Variants in RIMS2 observed in about 807,000 individuals in gnomAD.
RIMS2 encodes the protein regulating synaptic membrane exocytosis protein 2.
In RIMS2, 59 loss-of-function variants were observed where a neutral mutation model predicts 174.4. The ratio of observed to expected loss-of-function variants is 0.34; its 90% CI spans 0.27 to 0.42. The LOEUF is 0.42. RIMS2 is among the 10% of genes least tolerant of loss of function. RIMS2 has a pLI of 1.00. For missense variants in RIMS2, 1,620 were observed against 1,666.3 expected, an observed-to-expected ratio of 0.97 and a Z score of 0.48; for synonymous variants, 606 against 572.5, an observed-to-expected ratio of 1.06 and a Z score of -0.84.
chr8:103,575,559 G>A (rs2093155103), intron 1 of RIMS2, among the ~76,000 whole-genome samples: 1 of 151,300 alleles, frequency 6.6e-6, no homozygotes, highest in Non-Finnish European at 1.5e-5. Flanking sequence ...CACAAATACT[G>A]GTTTCAAAGG....
At chr8:103,582,554 C>G (rs1250484771) in intron 1 of RIMS2, among the ~76,000 whole-genome samples, 1 of 152,140 alleles carries the variant, frequency 6.6e-6, no homozygotes, top group Non-Finnish European at 1.5e-5. Context: ...AGAGGGGAGT[C>G]CATACCTGGA....
intron 1 of RIMS2, among the ~76,000 whole-genome samples, chr8:103,555,777 A>G (rs1046678451): frequency 6.8e-6 from 1 of 147,460 alleles, no homozygotes; most frequent in African/African-American, 2.5e-5. Flanking sequence ...CCTGGGTGTC[A>G]GAGCGAGACC....
At chr8:103,830,580 G>T (rs1246186222) in intron 3 of RIMS2, among the ~76,000 whole-genome samples, 1 of 152,112 alleles carries the variant, frequency 6.6e-6, no homozygotes, top group African/African-American at 2.4e-5. Flanking sequence ...TGTGTATTCT[G>T]TACTTGCTGG....
At chr8:103,642,400 A>G (rs879594433) in intron 1 of RIMS2, among the ~76,000 whole-genome samples, 6 of 152,102 alleles carry the variant, frequency 3.9e-5, no homozygotes, top group Admixed American at 6.6e-5. Flanking sequence ...TATCCATAAA[A>G]TATCACAGAA....
At position 103,981,290 on chromosome 8, in the gene RIMS2, C is replaced by G. The variant is rs1954902; in HGVS notation, c.2927+5784C>G. 2.6e-5 allele frequency among the ~76,000 whole-genome samples: 4 copies of G among 152,282 alleles called. No homozygotes were observed. The South Asian group carries it at 8.3e-4, about 32-fold the overall frequency. On this transcript the variant is annotated intron_variant, in intron 16 of 23. Transcript: ENST00000504942. ...AAGTAAGGGAAAAGAATAAGAGTCT[C>G]TGGTGATCCAGAGAATTATTCTGGA... is the stretch of plus-strand genomic sequence containing the variant.
intron 13 of RIMS2, among the ~76,000 whole-genome samples, chr8:103,938,775 C>T (rs11784228): frequency 0.13 from 19,349 of 152,230 alleles, 1,701 homozygotes; most frequent in Non-Finnish European, 0.19. Flanking sequence ...TGGGGGTACA[C>T]GCATTGGGTA....
intron 16 of RIMS2, among the ~76,000 whole-genome samples, chr8:103,983,289 G>C (rs2094071424): frequency 6.6e-6 from 1 of 152,140 alleles, no homozygotes; most frequent in Non-Finnish European, 1.5e-5. Context: ...TCATGGATTG[G>C]TATAATCAAT....
intron 1 of RIMS2, among the ~76,000 whole-genome samples, chr8:103,541,708 A>T (rs1446301549): frequency 6.6e-6 from 1 of 152,222 alleles, no homozygotes. Flanking sequence ...TTAGTTATGA[A>T]GGTTAACTAT....
rs1320929037 is a variant in RIMS2 at position 104,124,333 on chromosome 8, T to C, written c.3334+109718T>C. Among the ~76,000 whole-genome samples the C allele has an allele frequency of 2.0e-5, 3 of 152,124 alleles. No homozygotes were observed. In the East Asian group the frequency reaches 5.8e-4, roughly 29 times the overall value. Reference sequence around the variant, plus strand: ...CTGCTTGCCAGTGGACTTAGAAATATAACCATAAAAATCTTTTCTAAGCAC... The same window carrying C: ...CTGCTTGCCAGTGGACTTAGAAATACAACCATAAAAATCTTTTCTAAGCAC... On this transcript the variant is annotated intron_variant, in intron 19 of 23. Coordinates refer to ENST00000504942, the Ensembl canonical transcript of RIMS2.
intron 3 of RIMS2, among the ~76,000 whole-genome samples, chr8:103,874,742 C>G (rs1204644245): frequency 2.0e-5 from 3 of 152,062 alleles, no homozygotes; most frequent in Admixed American, 2.0e-4. Context: ...TCTGGTGACT[C>G]ATCATTCTCA....
At chr8:103,966,412 G>A (rs573224902) in intron 15 of RIMS2, among the ~76,000 whole-genome samples, 99 of 152,200 alleles carry the variant, frequency 6.5e-4, no homozygotes, top group Admixed American at 1.2e-3. Context: ...TGTGGGCATA[G>A]AGTTTTCATA....
intron 19 of RIMS2, among the ~76,000 whole-genome samples, chr8:104,133,142 C>G (rs1298835172): frequency 6.6e-6 from 1 of 152,134 alleles, no homozygotes; most frequent in Non-Finnish European, 1.5e-5. Flanking sequence ...ACCTTTCTGC[C>G]CTTCATGTTC....
At chr8:103,817,639 G>A (rs1350156007) in intron 3 of RIMS2, among the ~76,000 whole-genome samples, 1 of 152,130 alleles carries the variant, frequency 6.6e-6, no homozygotes, top group Non-Finnish European at 1.5e-5. Context: ...AATTAGCTGG[G>A]CGTGGTGGCA....
At chr8:103,854,920 T>C (rs2099019256) in intron 3 of RIMS2, among the ~76,000 whole-genome samples, 1 of 152,030 alleles carries the variant, frequency 6.6e-6, no homozygotes, top group Admixed American at 6.6e-5. Context: ...TTGTAATATT[T>C]TCATTAGGAT....
intron 1 of RIMS2, among the ~76,000 whole-genome samples, chr8:103,533,963 A>G (rs960449014): frequency 3.9e-5 from 6 of 152,230 alleles, no homozygotes; most frequent in Non-Finnish European, 7.3e-5. Context: ...TCTATCAAAT[A>G]GAAGTGTGAT....
chr8:104,190,386 TA>T (rs60799120), intron 19 of RIMS2, among the ~76,000 whole-genome samples: 59,381 of 151,816 alleles, frequency 0.39, 11,980 homozygotes, highest in East Asian at 0.65. Flanking sequence ...TCCATCTTTC[TA>T]GGAACTTTTA....
chr8:104,058,299 T>G, intron 19 of RIMS2, among the ~76,000 whole-genome samples: 1 of 147,824 alleles, frequency 6.8e-6, no homozygotes, highest in Non-Finnish European at 1.5e-5. Context: ...TGGTTTTGAT[T>G]TGCATTTCTC....
chr8:104,201,706 A>G (rs780570745), intron 19 of RIMS2, among the ~76,000 whole-genome samples: 34 of 152,190 alleles, frequency 2.2e-4, no homozygotes, highest in Non-Finnish European at 4.6e-4. Context: ...ATAAGTGGAG[A>G]TATAAAAATG....
chr8:103,725,100 C>T (rs1273874576), intron 2 of RIMS2, among the ~76,000 whole-genome samples: 1 of 152,088 alleles, frequency 6.6e-6, no homozygotes, highest in East Asian at 1.9e-4. Context: ...TTAAAATACT[C>T]CTCCCCACTG....
Sources: allele counts gnomAD v4.1 joint callset (sites outside exome capture counted in the v4.1 genomes callset), GRCh38; gene constraint gnomAD v4.1.1; transcripts MANE v1.5; gene names NCBI Gene and HGNC (gene_info 2026-07-23, HGNC 2026-07-21).